Variants in LFNG observed in about 807,000 individuals in gnomAD.
The protein encoded by LFNG is LFNG O-fucosylpeptide 3-beta-N-acetylglucosaminyltransferase.
A neutral mutation model predicts 32.7 loss-of-function variants in LFNG; 15 were observed. The observed-to-expected ratio is 0.46, with a 90% CI of 0.31 to 0.71. The LOEUF is 0.71. Ranked by LOEUF, LFNG falls within the 30% of genes least tolerant of loss-of-function variation. LFNG has a pLI of 0.06. For synonymous variants in LFNG, 274 were observed against 246.8 expected, an observed-to-expected ratio of 1.11 and a Z score of -1.03; for missense variants, 520 against 545.7, an observed-to-expected ratio of 0.95 and a Z score of 0.47.
upstream of LFNG, among the ~76,000 whole-genome samples, chr7:2,516,610 G>A (rs1049938679): frequency 2.6e-5 from 4 of 152,220 alleles, no homozygotes; most frequent in African/African-American, 9.6e-5. Flanking sequence ...GCTAGAGGAG[G>A]AGGGTAGGGC....
At position 2,527,017 on chromosome 7, in the gene LFNG, ACT is replaced by A. The variant is rs1390923010; in HGVS notation, c.1073+99_1073+100del. 3.5e-6 allele frequency: 5 copies of A among 1,423,812 alleles called. No individual in the cohort carries two copies. The highest frequency in any genetic ancestry group is 4.9e-6 in the Non-Finnish European group (5 of 1,019,788). 88.2% of individuals were successfully genotyped at this position (1,423,812 alleles called of 1,614,324 possible). A position where few individuals can be genotyped will look rare whatever the true frequency, so the allele number is the denominator to read the frequency against. ...CAGCAGGGTCTCTCTAAGCGGCATGACTCTACATAGAGGTGTCCCCCGGAGTC... is the reference window on the plus strand; with the variant it reads ...CAGCAGGGTCTCTCTAAGCGGCATGACTACATAGAGGTGTCCCCCGGAGTC... On this transcript the variant is annotated intron_variant, in intron 7 of 7. Coordinates refer to ENST00000222725, the MANE Select transcript of LFNG (RefSeq NM_001040167.2). The surrounding 1 kb of genome is among the most constrained non-coding windows in gnomAD (Gnocchi z 4.4).
upstream of LFNG, chr7:2,518,027 C>T: frequency 1.5e-6 from 1 of 653,384 alleles, no homozygotes. Flanking sequence ...GAGGCTCCGT[C>T]TCTGAAACAA....
At position 2,526,469 on chromosome 7, in the gene LFNG, C is replaced by T. The variant is rs1273972506; in HGVS notation, c.987+60C>T. 2.5e-6 allele frequency: 4 copies of T among 1,573,572 alleles called. No homozygotes were observed. The highest frequency in any genetic ancestry group is 3.5e-6 in the Non-Finnish European group (4 of 1,157,648). ...GAGCACAGGAAGGGACGTGTGGCTG[C>T]CGAGAGGGGCGCAGTGGGGTGGGGC... On this transcript the variant is annotated intron_variant, in intron 6 of 7. Transcript: ENST00000222725. The surrounding 1 kb of genome is among the most constrained non-coding windows in gnomAD (Gnocchi z 6.9).
intron 1 of LFNG, chr7:2,512,793 C>G (rs878921369): frequency 4.5e-6 from 5 of 1,099,212 alleles, no homozygotes; most frequent in Non-Finnish European, 6.9e-6. Flanking sequence ...TCCCCCAGTA[C>G]CCCTGCATTC....
chr7:2,520,182 C>T lies in LFNG; in HGVS notation c.321C>T (p.Ala107=). Residue 107 remains alanine, a synonymous_variant, in exon 1 of 8, where the codon GCC becomes GCT. Coordinates refer to ENST00000222725, the MANE Select transcript of LFNG (RefSeq NM_001040167.2). This position sits in a 1 kb window ranked among gnomAD's most constrained non-coding sequence, Gnocchi z 5.0. ...RPADGHPRPL[A]EPLAPRDVFI... ...CCGACGGCCACCCGCGCCCCCTGGCCGAGCCGCTCGCGCCCCGAGACGTCT... is the reference window on the plus strand; with the variant it reads ...CCGACGGCCACCCGCGCCCCCTGGCTGAGCCGCTCGCGCCCCGAGACGTCT... 2 of 1,570,312 alleles carry T rather than the reference C, an allele frequency of 1.3e-6. No individual in the cohort carries two copies. The highest frequency in any genetic ancestry group is 1.7e-6 in the Non-Finnish European group (2 of 1,160,400).
chr7:2,526,866 A>C lies in LFNG; in HGVS notation c.1018A>C (p.Lys340Gln), dbSNP rs1196450180. The change falls in exon 7 of 8, where the codon AAG (lysine) becomes CAG (glutamine). Residue 340 changes from lysine to glutamine, a missense_variant. By Grantham distance (53) the Lys-to-Gln change is moderately conservative. Transcript: ENST00000222725. The surrounding 1 kb of genome is among the most constrained non-coding windows in gnomAD (Gnocchi z 6.9). ...VTLSYGMFEN[K>Q]RNAVHVKGPF... ...GCTGAGCTACGGTATGTTTGAAAAC[A>C]AGCGGAACGCCGTCCACGTGAAGGG... 2 of 1,611,032 alleles carry C rather than the reference A, an allele frequency of 1.2e-6. No individual in the cohort carries two copies. The highest frequency in any genetic ancestry group is 1.3e-5 in the African/African-American group (1 of 74,168).
At chr7:2,513,011 C>T (rs546871784), upstream of LFNG, 36 of 758,696 alleles carry the variant, frequency 4.7e-5, no homozygotes, top group South Asian at 6.3e-4. Context: ...CAAATGTCAC[C>T]ATCTTTTCCT....
chr7:2,527,105 C>G lies in LFNG; in HGVS notation c.1074-41C>G. The G allele has an allele frequency of 6.9e-6, 11 of 1,590,558 alleles. No homozygotes were observed. Among genetic ancestry groups the G allele is most frequent in the Non-Finnish European group, 9.5e-6 (11 of 1,161,008 alleles). ...ACTGCAAATGGGAGCTCAGCACCTG[C>G]CTGCCACCCACGCAGACCAGCCCCT... On this transcript the variant is annotated intron_variant, in intron 7 of 7. Transcript: ENST00000222725. This position sits in a 1 kb window ranked among gnomAD's most constrained non-coding sequence, Gnocchi z 4.4.
chr7:2,512,970 C>T (rs1458865669), upstream of LFNG, among the ~76,000 whole-genome samples: 1 of 152,190 alleles, frequency 6.6e-6, no homozygotes, highest in Non-Finnish European at 1.5e-5. Context: ...CAACCTCCAC[C>T]TCCACCTGCC....
chr7:2,520,376 A>T lies in LFNG; in HGVS notation c.432+83A>T, dbSNP rs1406282708. 1.6e-6 allele frequency: 2 copies of T among 1,272,470 alleles called. No homozygotes were observed. The highest frequency in any genetic ancestry group is 3.1e-5 in the African/African-American group (2 of 64,926). The allele number at this position is 1,272,470 out of a possible 1,614,324, so 78.8% of individuals were successfully genotyped here. On this transcript the variant is annotated intron_variant, in intron 1 of 7. Transcript: ENST00000222725. The surrounding 1 kb of genome is among the most constrained non-coding windows in gnomAD (Gnocchi z 5.0). ...CCAGCTGGTGGCAGTGTCCCATGGGAGTCAGGCTGCATCCCCATCCAGCCA... is the reference window on the plus strand; with the variant it reads ...CCAGCTGGTGGCAGTGTCCCATGGGTGTCAGGCTGCATCCCCATCCAGCCA...
At chr7:2,514,796 A>C (rs1779573478), upstream of LFNG, among the ~76,000 whole-genome samples, 2 of 146,926 alleles carry the variant, frequency 1.4e-5, no homozygotes, top group South Asian at 4.3e-4. Context: ...CCATCCATCC[A>C]TTCATCTGTC....
In LFNG at chr7:2,526,393, C is replaced by T. The variant is rs754662304; in HGVS notation, c.971C>T (p.Ser324Leu). The stretch of plus-strand genomic sequence containing the variant: ...GAGAACCTGCAGCAGGTGCCCACCT[C>T]GGAGCTCCACGAGCAGGTGCACCAT... Reference protein sequence around the residue: ...HLENLQQVPTSELHEQVTLSY... With the variant: ...HLENLQQVPTLELHEQVTLSY... Residue 324 changes from serine to leucine, a missense_variant, in exon 6 of 8, where the codon TCG becomes TTG. Transcript: ENST00000222725. The surrounding 1 kb of genome is among the most constrained non-coding windows in gnomAD (Gnocchi z 6.9). 21 of 1,608,592 alleles carry T rather than the reference C, an allele frequency of 1.3e-5. No homozygotes were observed. The highest frequency in any genetic ancestry group is 3.3e-4 in the Middle Eastern group (2 of 6,080).
At chr7:2,522,345 G>C (rs1779815434) in intron 1 of LFNG, among the ~76,000 whole-genome samples, 1 of 152,222 alleles carries the variant, frequency 6.6e-6, no homozygotes, top group African/African-American at 2.4e-5. Flanking sequence ...CAACTGGAGT[G>C]GTGGCTGGGG....
rs1315611533 is a variant in LFNG at position 2,519,945 on chromosome 7, G to T, written c.84G>T (p.Pro28=). 3.3e-5 allele frequency: 33 copies of T among 1,015,312 alleles called. No individual in the cohort carries two copies. The highest frequency in any genetic ancestry group is 3.6e-5 in the Non-Finnish European group (31 of 851,794). 62.9% of individuals were successfully genotyped at this position (1,015,312 alleles called of 1,614,324 possible). The change falls in exon 1 of 8, where the codon CCG becomes CCT. Residue 28 remains proline, a synonymous_variant. Coordinates refer to ENST00000222725, the MANE Select transcript of LFNG (RefSeq NM_001040167.2). ...LACLLVLTAD[P]PPPPLPAERG... The stretch of plus-strand genomic sequence containing the variant: ...GCCTGCTGGTGCTCACCGCCGACCC[G>T]CCGCCGCCTCCACTGCCCGCCGAGC...
chr7:2,527,343 T>G lies in LFNG; in HGVS notation c.*131T>G. 1 of 1,099,688 alleles carries G rather than the reference T, an allele frequency of 9.1e-7. No homozygotes were observed. The highest frequency in any genetic ancestry group is 1.2e-6 in the Non-Finnish European group (1 of 808,098). The allele number at this position is 1,099,688 out of a possible 1,614,324, so 68.1% of individuals were successfully genotyped here. A position where few individuals can be genotyped will look rare whatever the true frequency, so the allele number is the denominator to read the frequency against. On this transcript the variant is annotated 3_prime_UTR_variant, in exon 8 of 8. Transcript: ENST00000222725. This position sits in a 1 kb window ranked among gnomAD's most constrained non-coding sequence, Gnocchi z 4.4. Reference sequence around the variant, plus strand: ...GCCTGTGCGTGTGCGTGTGCGTGTGTGTGTGTGTGTACTGCATGCCCACCC... The same window carrying G: ...GCCTGTGCGTGTGCGTGTGCGTGTGGGTGTGTGTGTACTGCATGCCCACCC...
chr7:2,520,434 C>G lies in LFNG; in HGVS notation c.432+141C>G. 1.2e-5 allele frequency: 9 copies of G among 744,544 alleles called. No homozygotes were observed. The highest frequency in any genetic ancestry group is 1.9e-5 in the Non-Finnish European group (9 of 477,140). The allele number at this position is 744,544 out of a possible 1,614,324, so 46.1% of individuals were successfully genotyped here. A position where few individuals can be genotyped will look rare whatever the true frequency, so the allele number is the denominator to read the frequency against. ...CATCTGTGGGCGACGCCAGTGCACC[C>G]CGGTGCACCCAGTTTGCCTGCTGGG... On this transcript the variant is annotated intron_variant, in intron 1 of 7. Coordinates refer to ENST00000222725, the MANE Select transcript of LFNG (RefSeq NM_001040167.2). The surrounding 1 kb of genome is among the most constrained non-coding windows in gnomAD (Gnocchi z 5.0).
chr7:2,523,236 G>A (rs1398239143), intron 1 of LFNG, among the ~76,000 whole-genome samples: 1 of 152,230 alleles, frequency 6.6e-6, no homozygotes, highest in Non-Finnish European at 1.5e-5. Context: ...ATTCTGGGGA[G>A]GCCAAGGGGC....
At chr7:2,513,968 C>G (rs1779550794), upstream of LFNG, among the ~76,000 whole-genome samples, 2 of 152,254 alleles carry the variant, frequency 1.3e-5, 1 homozygote, top group South Asian at 4.1e-4. Flanking sequence ...CTTGCTGTTC[C>G]TGCTGTGGGC....
At chr7:2,519,773 T>G (rs977390902), upstream of LFNG, 3 of 773,872 alleles carry the variant, frequency 3.9e-6, no homozygotes, top group Non-Finnish European at 4.7e-6. Flanking sequence ...GGTGCTGCGC[T>G]GCTGGACTGC....
Sources: gnomAD v4.1 joint callset for allele counts (sites outside exome capture counted in the v4.1 genomes callset) on GRCh38, gnomAD v4.1.1 for gene constraint, Gnocchi (gnomAD v3.1) non-coding constraint, MANE v1.5 for transcripts, NCBI Gene and HGNC (gene_info 2026-07-23, HGNC 2026-07-21) for gene names.